ATP6V1A: variants seen among roughly 807,000 people sequenced by gnomAD.
ATP6V1A encodes the protein V-type proton ATPase catalytic subunit A.
In ATP6V1A, 18 loss-of-function variants were observed where a neutral mutation model predicts 70.1. That is an observed-to-expected ratio of 0.26 (90% CI 0.18 to 0.38). The LOEUF (loss-of-function observed/expected upper bound fraction) is 0.38. Ranked by LOEUF, ATP6V1A falls within the 10% of genes least tolerant of loss-of-function variation. ATP6V1A has a pLI of 1.00. For missense variants in ATP6V1A, 424 were observed against 772.4 expected (o/e 0.55, Z 5.35); for synonymous variants, 232 against 253.8 (o/e 0.91, Z 0.82).
At chr3:113,776,213 G>A (rs1053806252) in intron 1 of ATP6V1A, among the ~76,000 whole-genome samples, 9 of 151,944 alleles carry the variant, frequency 5.9e-5, no homozygotes, top group Admixed American at 5.9e-4. Context: ...GTAAAAATTA[G>A]CTGGATGTGG....
chr3:113,782,563 TATATATATAC>T (rs1708989450), intron 3 of ATP6V1A, among the ~76,000 whole-genome samples: 1 of 146,956 alleles, frequency 6.8e-6, no homozygotes, highest in African/African-American at 2.5e-5. Flanking sequence ...TATACATGTG[TATATATATAC>T]GTATATATAT....
Position 113,782,590 on chromosome 3 carries a change from A to G in ATP6V1A, c.211+1412A>G, listed in dbSNP as rs147175241. ...TATATATACGTATATATATACACAT[A>G]TATATATATATACATATATATATGG... On this transcript the variant is annotated intron_variant, in intron 3 of 14. Transcript: ENST00000273398. Among the ~76,000 whole-genome samples, 394 of 145,446 alleles carry G rather than the reference A, an allele frequency of 2.7e-3. 3 individuals carry two copies. The highest frequency in any genetic ancestry group is 8.9e-3 in the African/African-American group (353 of 39,690).
At chr3:113,761,187 C>T (rs971014411) in intron 1 of ATP6V1A, among the ~76,000 whole-genome samples, 1 of 151,766 alleles carries the variant, frequency 6.6e-6, no homozygotes, top group South Asian at 2.1e-4. Context: ...CGTGATCCTC[C>T]CACCTCAGCT....
At position 113,781,605 on chromosome 3, in the gene ATP6V1A, G is replaced by A. The variant is rs143118135; in HGVS notation, c.211+427G>A. 4.6e-3 allele frequency among the ~76,000 whole-genome samples: 704 copies of A among 152,282 alleles called. 15 individuals are homozygous for A. The highest frequency in any genetic ancestry group is 0.034 in the Admixed American group (515 of 15,290). On this transcript the variant is annotated intron_variant, in intron 3 of 14. Transcript: ENST00000273398. ...AATGATATTAGAAGCATGAAATGCT[G>A]GTGTTGTGAAGAGACCTGAATTATG... is the stretch of plus-strand genomic sequence containing the variant.
Position 113,752,832 on chromosome 3 carries a change from A to G in ATP6V1A, c.-14+5719A>G, listed in dbSNP as rs558423324. On this transcript the variant is annotated intron_variant, in intron 1 of 14. Coordinates refer to ENST00000273398, the MANE Select transcript of ATP6V1A (RefSeq NM_001690.4). ...AATATAATTGATCCAATACATTGCA[A>G]CAGATGCAAAAACTGATTTCAGATG... 1.1e-4 allele frequency among the ~76,000 whole-genome samples: 17 copies of G among 152,278 alleles called. No individual in the cohort carries two copies. The South Asian group carries it at 3.3e-3, about 30-fold the overall frequency.
chr3:113,786,528 T>C (rs1241711901), intron 6 of ATP6V1A, 145 bp downstream of exon 6: 9 of 838,136 alleles, frequency 1.1e-5, no homozygotes, highest in African/African-American at 1.8e-5. Flanking sequence ...AATATTTTTA[T>C]CTATTGCTAG....
At chr3:113,772,939 T>TTTC (rs1239254537) in intron 1 of ATP6V1A, among the ~76,000 whole-genome samples, 1 of 123,198 alleles carries the variant, frequency 8.1e-6, no homozygotes, top group Admixed American at 7.7e-5. Flanking sequence ...TTGGCTTTTT[T>TTTC]TTTTTTTTTT....
chr3:113,773,436 G>A (rs1391646540), intron 1 of ATP6V1A, among the ~76,000 whole-genome samples: 2 of 151,946 alleles, frequency 1.3e-5, no homozygotes, highest in African/African-American at 4.8e-5. Context: ...AATAATATGT[G>A]CCTAAAAATT....
At chr3:113,784,544 G>T (rs898497283) in intron 4 of ATP6V1A, 106 bp downstream of exon 4, 7 of 1,386,438 alleles carry the variant, frequency 5.0e-6, no homozygotes, top group African/African-American at 1.5e-5. Context: ...GACTACAGAA[G>T]GATAGTTTAA....
chr3:113,751,076 A>G lies in ATP6V1A; in HGVS notation c.-14+3963A>G, dbSNP rs1007083650. 2.0e-5 allele frequency among the ~76,000 whole-genome samples: 3 copies of G among 152,262 alleles called. No individual in the cohort carries two copies. In the South Asian group the frequency reaches 6.2e-4, roughly 32 times the overall value. ...ATAAATTTAAGGAGGCAGTTCTTCA[A>G]TTTTGAAGTTTTTATTCCTGCAATG... On this transcript the variant is annotated intron_variant, in intron 1 of 14. Coordinates refer to ENST00000273398, the MANE Select transcript of ATP6V1A (RefSeq NM_001690.4).
At position 113,788,730 on chromosome 3, in the gene ATP6V1A, C is replaced by G. The variant is rs144476994; in HGVS notation, c.734C>G (p.Thr245Ser). 95 of 1,613,692 alleles carry G rather than the reference C, an allele frequency of 5.9e-5. No homozygotes were observed. The highest frequency in any genetic ancestry group is 7.8e-5 in the Non-Finnish European group (92 of 1,179,832). ...DALFPCVQGG[T>S]TAIPGAFGCG... is the part of the protein sequence containing the mutation. ...TTGTTTAGGTGTGTCCAGGGAGGAACTACTGCTATCCCTGGAGCCTTTGGC... is the reference window on the plus strand; with the variant it reads ...TTGTTTAGGTGTGTCCAGGGAGGAAGTACTGCTATCCCTGGAGCCTTTGGC... The change falls in exon 7 of 15, where the codon ACT (threonine) becomes AGT (serine). Residue 245 changes from threonine (T) to serine (S), a missense_variant. Coordinates refer to ENST00000273398, the MANE Select transcript of ATP6V1A (RefSeq NM_001690.4).
chr3:113,804,311 A>G (rs2108045105), intron 13 of ATP6V1A, among the ~76,000 whole-genome samples: 1 of 152,076 alleles, frequency 6.6e-6, no homozygotes, highest in South Asian at 2.1e-4. Context: ...TTTTTCCTAA[A>G]TAATTATTAC....
At chr3:113,777,181 T>A (rs1267715697) in intron 1 of ATP6V1A, among the ~76,000 whole-genome samples, 1 of 152,254 alleles carries the variant, frequency 6.6e-6, no homozygotes. Flanking sequence ...GTTTTCAATG[T>A]GAACTTGGAT....
At chr3:113,780,442 G>T (rs1708965013) in intron 2 of ATP6V1A, among the ~76,000 whole-genome samples, 2 of 152,280 alleles carry the variant, frequency 1.3e-5, no homozygotes, top group Admixed American at 1.3e-4. Context: ...ACCCAATGGT[G>T]GTGACTGATT....
intron 14 of ATP6V1A, among the ~76,000 whole-genome samples, chr3:113,805,762 G>C (rs921122649): frequency 1.5e-4 from 23 of 152,096 alleles, no homozygotes; most frequent in African/African-American, 4.8e-4. Context: ...GTAGAGATGG[G>C]GTTTCACCAT....
chr3:113,782,533 T>C (rs1708987242), intron 3 of ATP6V1A, among the ~76,000 whole-genome samples: 1 of 146,274 alleles, frequency 6.8e-6, no homozygotes, highest in African/African-American at 2.5e-5. Context: ...TTTCTCTCTC[T>C]CTCTCTCTCT....
chr3:113,784,412 G>C lies in ATP6V1A; in HGVS notation c.400G>C (p.Asp134His). The change falls in exon 4 of 15, where the codon GAC becomes CAC. Residue 134 changes from aspartate to histidine, a missense_variant. Asp to His is a moderately conservative substitution (Grantham distance 81). Transcript: ENST00000273398. ...TGCTCTTAGCAGAGATATCAAATGG[G>C]ACTTTACACCTTGCAAAAACCTACG... ...VSALSRDIKW[D>H]FTPCKNLRVG... 6.2e-7 allele frequency: 1 copy of C among 1,613,674 alleles called. No homozygotes were observed. Among genetic ancestry groups the C allele is most frequent in the Non-Finnish European group, 8.5e-7 (1 of 1,179,678 alleles).
chr3:113,786,558 C>A (rs1034499374), intron 6 of ATP6V1A, among the ~76,000 whole-genome samples, 175 bp downstream of exon 6: 1 of 152,008 alleles, frequency 6.6e-6, no homozygotes, highest in Non-Finnish European at 1.5e-5. Flanking sequence ...TAAATTCAAA[C>A]CATTGAAGAT....
intron 1 of ATP6V1A, among the ~76,000 whole-genome samples, chr3:113,777,993 TGTTATA>T (rs913556612): frequency 3.3e-5 from 5 of 152,198 alleles, no homozygotes; most frequent in African/African-American, 1.2e-4. Context: ...TCACATTTTT[TGTTATA>T]GTTATCGATA....
Sources: allele counts gnomAD v4.1 joint callset (sites outside exome capture counted in the v4.1 genomes callset), GRCh38; gene constraint gnomAD v4.1.1; transcripts MANE v1.5; gene names NCBI Gene and HGNC (gene_info 2026-07-23, HGNC 2026-07-21).